Variants in SMC5 observed in about 807,000 individuals in gnomAD.
The protein encoded by SMC5 is structural maintenance of chromosomes protein 5.
In SMC5, 88 loss-of-function variants were observed where a neutral mutation model predicts 148.3. The ratio of observed to expected loss-of-function variants is 0.59; its 90% CI spans 0.50 to 0.71. The LOEUF (loss-of-function observed/expected upper bound fraction) is 0.71. Among genes scored for constraint, SMC5 ranks in the 30% least tolerant of loss-of-function variants. The pLI, the probability that SMC5 is intolerant of heterozygous loss-of-function variation, is 0.00. For missense variants in SMC5, 1,142 were observed against 1,298.9 expected, an observed-to-expected ratio of 0.88 and a Z score of 1.86; for synonymous variants, 421 against 432.8, an observed-to-expected ratio of 0.97 and a Z score of 0.34.
intron 8 of SMC5, among the ~76,000 whole-genome samples, chr9:70,297,228 A>G (rs1432692244): frequency 1.3e-5 from 2 of 152,236 alleles, no homozygotes; most frequent in African/African-American, 2.4e-5. Flanking sequence ...GATGTTTTTA[A>G]TAATTTTGTG....
chr9:70,347,773 T>A, intron 21 of SMC5, 56 bp downstream of exon 21: 1 of 1,287,002 alleles, frequency 7.8e-7, no homozygotes, highest in Non-Finnish European at 1.1e-6. Flanking sequence ...AATGGGAATG[T>A]AGAATAATGG....
At chr9:70,346,989 G>T in intron 19 of SMC5, 77 bp from the exon 20 acceptor site, 1 of 1,035,820 alleles carries the variant, frequency 9.7e-7, no homozygotes. Context: ...AACTTATTCA[G>T]CAGATTATTT....
chr9:70,274,720 C>T (rs957038145), intron 3 of SMC5, among the ~76,000 whole-genome samples: 1 of 151,504 alleles, frequency 6.6e-6, no homozygotes, highest in African/African-American at 2.4e-5. Flanking sequence ...TTTCATTTTT[C>T]CTTCTCTTTT....
At chr9:70,332,637 T>C (rs1424188492) in intron 17 of SMC5, among the ~76,000 whole-genome samples, 1 of 151,754 alleles carries the variant, frequency 6.6e-6, no homozygotes, top group East Asian at 1.9e-4. Context: ...TACCTGATAC[T>C]AAAAAGAACT....
At chr9:70,287,402 G>A (rs944580783) in intron 8 of SMC5, among the ~76,000 whole-genome samples, 3 of 152,168 alleles carry the variant, frequency 2.0e-5, no homozygotes, top group South Asian at 2.1e-4. Flanking sequence ...TTTTTCGTGC[G>A]TGGGTGGGCC....
intron 18 of SMC5, among the ~76,000 whole-genome samples, chr9:70,345,343 G>T (rs2036640917): frequency 6.6e-6 from 1 of 151,968 alleles, no homozygotes; most frequent in Non-Finnish European, 1.5e-5. Flanking sequence ...TTATATTCTA[G>T]TCTGGAAGAT....
At chr9:70,335,905 C>T (rs1209921942) in intron 17 of SMC5, among the ~76,000 whole-genome samples, 1 of 152,114 alleles carries the variant, frequency 6.6e-6, no homozygotes, top group Non-Finnish European at 1.5e-5. Context: ...TTTATTACGT[C>T]ATTTTAAACA....
At chr9:70,282,400 T>G (rs1425553283) in intron 6 of SMC5, 22 bp from the exon 7 acceptor site, 3 of 1,571,410 alleles carry the variant, frequency 1.9e-6, no homozygotes, top group South Asian at 1.2e-5. Flanking sequence ...CATTAACTTC[T>G]GTTTGTTGAA....
chr9:70,321,602 G>A (rs1263028780), intron 15 of SMC5, among the ~76,000 whole-genome samples: 6 of 151,658 alleles, frequency 4.0e-5, no homozygotes, highest in African/African-American at 1.5e-4. Context: ...GGCTGGTCTC[G>A]AACACCAGAC....
intron 8 of SMC5, among the ~76,000 whole-genome samples, chr9:70,292,696 T>G (rs1454842687): frequency 1.3e-5 from 2 of 152,138 alleles, no homozygotes; most frequent in Admixed American, 1.3e-4. Flanking sequence ...TTCCTATGTT[T>G]CTAGGAATTT....
intron 11 of SMC5, among the ~76,000 whole-genome samples, chr9:70,313,125 T>C (rs567977195): frequency 1.3e-5 from 2 of 152,308 alleles, no homozygotes; most frequent in South Asian, 2.1e-4. Context: ...GCAAATTGTG[T>C]TTTTAAGAAA....
intron 20 of SMC5, 98 bp from the exon 21 acceptor site, chr9:70,347,515 A>G (rs556809087): frequency 4.7e-6 from 3 of 642,110 alleles, no homozygotes; most frequent in African/African-American, 3.8e-5. Context: ...ATGCAGCACA[A>G]TTGGCATTTT....
intron 8 of SMC5, among the ~76,000 whole-genome samples, chr9:70,287,718 C>T (rs1352164070): frequency 6.6e-6 from 1 of 152,046 alleles, no homozygotes; most frequent in Non-Finnish European, 1.5e-5. Context: ...GTGTTATGTG[C>T]TTAGGGTTGT....
chr9:70,339,427 T>C (rs1394628729), intron 17 of SMC5, among the ~76,000 whole-genome samples: 1 of 142,518 alleles, frequency 7.0e-6, no homozygotes, highest in African/African-American at 2.6e-5. Flanking sequence ...AGACTCCGTC[T>C]CAAAAAAAAA....
chr9:70,299,518 A>G (rs911931083), intron 9 of SMC5, among the ~76,000 whole-genome samples: 2 of 151,886 alleles, frequency 1.3e-5, no homozygotes, highest in South Asian at 2.1e-4. Flanking sequence ...TTATAAACCT[A>G]TTCCTGAATT....
chr9:70,282,729 G>A (rs186756583), intron 7 of SMC5, 146 bp downstream of exon 7: 2 of 752,136 alleles, frequency 2.7e-6, no homozygotes, highest in African/African-American at 3.6e-5. Flanking sequence ...GCCACCATAG[G>A]ATTTTCAAGG....
intron 16 of SMC5, 27 bp from the exon 17 acceptor site, chr9:70,323,994 T>C: frequency 6.7e-7 from 1 of 1,501,728 alleles, no homozygotes; most frequent in Non-Finnish European, 8.9e-7. Context: ...AACATAAAAA[T>C]TAACTCTTAG....
chr9:70,334,693 A>T (rs2036314592), intron 17 of SMC5, among the ~76,000 whole-genome samples: 1 of 152,092 alleles, frequency 6.6e-6, no homozygotes, highest in Admixed American at 6.6e-5. Context: ...TAATTTCCTT[A>T]TTGGCCTTTA....
intron 17 of SMC5, among the ~76,000 whole-genome samples, chr9:70,341,575 G>A (rs1177283449): frequency 6.6e-6 from 1 of 152,160 alleles, no homozygotes; most frequent in Admixed American, 6.5e-5. Context: ...AGGATTGCTT[G>A]CATTTTCAGT....
Sources: allele counts gnomAD v4.1 joint callset (sites outside exome capture counted in the v4.1 genomes callset), GRCh38; gene constraint gnomAD v4.1.1; transcripts MANE v1.5; gene names NCBI Gene and HGNC (gene_info 2026-07-23, HGNC 2026-07-21).